The following ZNF385D variants were observed in gnomAD, a reference collection of about 807,000 sequenced individuals.
The protein encoded by ZNF385D is zinc finger protein 659.
A neutral mutation model predicts 35.8 loss-of-function variants in ZNF385D; 15 were observed. The observed-to-expected ratio is 0.42, with a 90% confidence interval of 0.28 to 0.64. ZNF385D has a LOEUF of 0.64. Among genes scored for constraint, ZNF385D ranks in the 30% least tolerant of loss-of-function variants. The pLI is 0.23. For missense variants in ZNF385D, 474 were observed against 494.6 expected (o/e 0.96, Z 0.39); for synonymous variants, 212 against 186.8 (o/e 1.13, Z -1.10).
intron 2 of ZNF385D, among the ~76,000 whole-genome samples, chr3:22,294,990 C>T (rs1380867061): frequency 6.6e-6 from 1 of 151,968 alleles, no homozygotes; most frequent in Non-Finnish European, 1.5e-5. Flanking sequence ...TATTTATACA[C>T]ACACTCACAC....
intron 2 of ZNF385D, among the ~76,000 whole-genome samples, chr3:22,175,767 A>G (rs1353683895): frequency 6.6e-6 from 1 of 151,446 alleles, no homozygotes; most frequent in Non-Finnish European, 1.5e-5. Flanking sequence ...ACATATGCAT[A>G]TATAATGTAT....
In ZNF385D at chr3:21,646,269, T is replaced by C. The variant is rs1304874707; in HGVS notation, c.165+18617A>G. Among the ~76,000 whole-genome samples, 2 of 152,154 alleles carry C rather than the reference T, an allele frequency of 1.3e-5. No homozygotes were observed. Among genetic ancestry groups the C allele is most frequent in the East Asian group, 3.9e-4 (2 of 5,178 alleles). ...AGTAAATGAAGAGGAGAGGAAACTG[T>C]CATACTTATGGACCTGCTTATTTGT... On this transcript the variant is annotated intron_variant, in intron 2 of 7. Coordinates refer to ENST00000281523, the MANE Select transcript of ZNF385D (RefSeq NM_024697.3). This position sits in a 1 kb window ranked among gnomAD's most constrained non-coding sequence, Gnocchi z 4.3.
chr3:21,976,091 A>T (rs1253675791), intron 3 of ZNF385D, among the ~76,000 whole-genome samples: 1 of 152,200 alleles, frequency 6.6e-6, no homozygotes, highest in Non-Finnish European at 1.5e-5. Context: ...GGGGAAAACT[A>T]GAGGGATCCT....
chr3:22,166,998 G>A (rs1706377103), intron 3 of ZNF385D, among the ~76,000 whole-genome samples: 1 of 152,220 alleles, frequency 6.6e-6, no homozygotes, highest in Non-Finnish European at 1.5e-5. Context: ...AGTAGAGACT[G>A]AAATATACAT....
intron 2 of ZNF385D, among the ~76,000 whole-genome samples, chr3:22,311,937 G>A (rs1703579087): frequency 6.6e-6 from 1 of 152,178 alleles, no homozygotes; most frequent in East Asian, 1.9e-4. Flanking sequence ...TCTTCATTGA[G>A]GCTACACAAA....
At chr3:21,547,223 G>T (rs2062405240) in intron 3 of ZNF385D, among the ~76,000 whole-genome samples, 1 of 152,142 alleles carries the variant, frequency 6.6e-6, no homozygotes, top group Non-Finnish European at 1.5e-5. Flanking sequence ...TAAACTGGTT[G>T]GTTTAGGATT....
intron 2 of ZNF385D, among the ~76,000 whole-genome samples, chr3:22,291,999 T>C (rs1702324955): frequency 6.6e-6 from 1 of 152,052 alleles, no homozygotes; most frequent in Non-Finnish European, 1.5e-5. Flanking sequence ...GATAATCACA[T>C]ACTACAGGCT....
intron 2 of ZNF385D, among the ~76,000 whole-genome samples, chr3:22,180,466 G>A (rs59661522): frequency 0.016 from 2,423 of 152,206 alleles, 78 homozygotes; most frequent in African/African-American, 0.055. Context: ...ACCAAAGCCT[G>A]GCAGAGACAC....
chr3:21,444,164 C>T (rs1702014133), intron 4 of ZNF385D, among the ~76,000 whole-genome samples: 1 of 149,778 alleles, frequency 6.7e-6, no homozygotes, highest in Non-Finnish European at 1.5e-5. Context: ...ACTGCAACCT[C>T]TGCCTCCCAG....
chr3:22,320,073 A>G (rs1386168105), intron 2 of ZNF385D, among the ~76,000 whole-genome samples: 3 of 148,830 alleles, frequency 2.0e-5, no homozygotes, highest in Non-Finnish European at 4.5e-5. Flanking sequence ...TTTTTTTTTT[A>G]AGGAGTACAT....
At chr3:21,637,400 T>C (rs6781797) in intron 2 of ZNF385D, among the ~76,000 whole-genome samples, 18,267 of 152,044 alleles carry the variant, frequency 0.12, 1,369 homozygotes, top group African/African-American at 0.2. Flanking sequence ...TGTCAAAGAT[T>C]AGTTGGCTGT....
At chr3:22,190,804 A>C (rs1409062390) in intron 2 of ZNF385D, among the ~76,000 whole-genome samples, 2 of 152,128 alleles carry the variant, frequency 1.3e-5, no homozygotes, top group African/African-American at 4.8e-5. Flanking sequence ...TCTTTACACT[A>C]GATAGATTTC....
intron 1 of ZNF385D, among the ~76,000 whole-genome samples, chr3:21,697,958 T>C (rs1026918070): frequency 6.6e-6 from 1 of 152,044 alleles, no homozygotes; most frequent in African/African-American, 2.4e-5. Flanking sequence ...ACAGATATCG[T>C]CATGGATATG....
At chr3:21,721,326 A>T (rs1280961347) in intron 1 of ZNF385D, among the ~76,000 whole-genome samples, 1 of 151,740 alleles carries the variant, frequency 6.6e-6, no homozygotes, top group Non-Finnish European at 1.5e-5. Flanking sequence ...TGGACATTTC[A>T]TTTGATATGA....
chr3:22,152,657 C>A (rs1705315740), intron 3 of ZNF385D, among the ~76,000 whole-genome samples: 1 of 152,238 alleles, frequency 6.6e-6, no homozygotes, highest in East Asian at 1.9e-4. Context: ...TCCTATCTTC[C>A]TCATAAAATG....
At chr3:21,639,293 G>T (rs957733135) in intron 2 of ZNF385D, among the ~76,000 whole-genome samples, 3 of 151,840 alleles carry the variant, frequency 2.0e-5, no homozygotes, top group Non-Finnish European at 4.4e-5. Context: ...CCACTAAAAT[G>T]CAGGCGGCAT....
chr3:21,832,590 C>A (rs976822500), intron 3 of ZNF385D, among the ~76,000 whole-genome samples: 12 of 152,130 alleles, frequency 7.9e-5, no homozygotes, highest in African/African-American at 2.9e-4. Flanking sequence ...CAGACAATGC[C>A]CTGTGTAACC....
At chr3:21,586,874 T>A (rs1483084081) in intron 2 of ZNF385D, among the ~76,000 whole-genome samples, 1 of 152,158 alleles carries the variant, frequency 6.6e-6, no homozygotes, top group Admixed American at 6.6e-5. Context: ...AATAAAGATA[T>A]AAGTTAAGTA....
chr3:21,679,281 A>G (rs965749607), intron 1 of ZNF385D, among the ~76,000 whole-genome samples: 1 of 152,048 alleles, frequency 6.6e-6, no homozygotes, highest in Non-Finnish European at 1.5e-5. Context: ...TTTTTTACTC[A>G]TTTTTTATCA....
Sources: gnomAD v4.1 joint callset for allele counts (sites outside exome capture counted in the v4.1 genomes callset) on GRCh38, gnomAD v4.1.1 for gene constraint, Gnocchi (gnomAD v3.1) non-coding constraint, MANE v1.5 for transcripts, NCBI Gene and HGNC (gene_info 2026-07-23, HGNC 2026-07-21) for gene names.